FIGNL2: variants seen among roughly 807,000 people sequenced by gnomAD.
FIGNL2 encodes the protein fidgetin-like protein 2.
For missense variants in FIGNL2, 1,060 were observed against 950.2 expected (o/e 1.12, Z -1.52); for synonymous variants, 565 against 484.0 (o/e 1.17, Z -2.20).
intron 1 of FIGNL2, chr12:51,844,585 C>T: frequency 1.7e-6 from 1 of 589,616 alleles, no homozygotes; most frequent in Non-Finnish European, 2.1e-6. Flanking sequence ...AGGAGGTGGA[C>T]ACCATTCTTC....
chr12:51,826,874 G>A (rs2138980741), intron 1 of FIGNL2, among the ~76,000 whole-genome samples: 1 of 151,442 alleles, frequency 6.6e-6, no homozygotes, highest in East Asian at 1.9e-4. Flanking sequence ...ACGTGAGTCT[G>A]AATACACACC....
chr12:51,835,284 C>G (rs1343584663), intron 1 of FIGNL2: 1 of 152,224 alleles, frequency 6.6e-6, no homozygotes, highest in Non-Finnish European at 1.5e-5. Context: ...CTGCCATGCT[C>G]TCCTTGCATG....
Position 51,820,993 on chromosome 12 carries a change from T to C in FIGNL2, c.1421A>G (p.Gln474Arg). The C allele has an allele frequency of 8.3e-7, 1 of 1,200,266 alleles. No individual in the cohort carries two copies. The highest frequency in any genetic ancestry group is 1.0e-6 in the Non-Finnish European group (1 of 969,586). The allele number at this position is 1,200,266 out of a possible 1,614,324, so 74.4% of individuals were successfully genotyped here. ...PGAAEGARLL[Q>R]AAFAAARCRP... is the part of the protein sequence containing the mutation. ...GCAGCGCGCGGCCGCGAAGGCGGCC[T>C]GGAGGAGGCGCGCGCCCTCGGCGGC... The change falls in exon 2 of 2, where the codon CAG becomes CGG. Residue 474 changes from glutamine to arginine, a missense_variant. Physicochemically the swap from Gln to Arg is conservative, Grantham distance 43. Transcript: ENST00000618634.
chr12:51,832,596 C>T (rs200048095), intron 1 of FIGNL2, among the ~76,000 whole-genome samples: 1 of 152,138 alleles, frequency 6.6e-6, no homozygotes, highest in South Asian at 2.1e-4. Context: ...TCACCCACTC[C>T]CTTCTAAACC....
chr12:51,833,613 C>T (rs1015856353), intron 1 of FIGNL2, among the ~76,000 whole-genome samples: 1 of 151,418 alleles, frequency 6.6e-6, no homozygotes, highest in Non-Finnish European at 1.5e-5. Flanking sequence ...CACAGCTCCT[C>T]CCGCCACGCT....
At chr12:51,847,000 T>C (rs1032035903) in intron 1 of FIGNL2, 26 of 767,060 alleles carry the variant, frequency 3.4e-5, no homozygotes, top group Non-Finnish European at 3.8e-5. Context: ...GCCCCTTTCC[T>C]CGCCCACCCC....
chr12:51,822,337 G>A lies in FIGNL2; in HGVS notation c.77C>T (p.Pro26Leu), dbSNP rs200288170. The change falls in exon 2 of 2, where the codon CCG (proline) becomes CTG (leucine). Residue 26 changes from proline (P) to leucine (L), a missense_variant. Physicochemically the swap from Pro to Leu is moderately conservative, Grantham distance 98 (BLOSUM62 -3). Coordinates refer to ENST00000618634, the MANE Select transcript of FIGNL2 (RefSeq NM_001384995.1). ...CAACTCCAACTTGTGGGCCGGCGACGGGGTGGTGGAGGAGACGTCCAGGTG... is the reference window on the plus strand; with the variant it reads ...CAACTCCAACTTGTGGGCCGGCGACAGGGTGGTGGAGGAGACGTCCAGGTG... Reference protein sequence around the residue: ...EQHLDVSSTTPSPAHKLELPP... With the variant: ...EQHLDVSSTTLSPAHKLELPP... 1.1e-4 allele frequency: 173 copies of A among 1,613,514 alleles called. No individual in the cohort carries two copies. Among genetic ancestry groups the A allele is most frequent in the African/African-American group, 2.4e-4 (18 of 75,052 alleles).
chr12:51,846,556 C>G (rs1939754697), intron 1 of FIGNL2, among the ~76,000 whole-genome samples: 1 of 152,214 alleles, frequency 6.6e-6, no homozygotes, highest in South Asian at 2.1e-4. Context: ...CGACGCCACA[C>G]TCAGTCTGGG....
intron 1 of FIGNL2, chr12:51,848,301 G>C: frequency 1.0e-6 from 1 of 984,734 alleles, no homozygotes; most frequent in Non-Finnish European, 1.2e-6. Context: ...GTCGGCGGCC[G>C]GGCGGCTATC....
rs751161297 is a variant in FIGNL2 at position 51,820,492 on chromosome 12, G to A, written c.1922C>T (p.Ser641Leu). The A allele has an allele frequency of 6.3e-6, 10 of 1,588,802 alleles. No homozygotes were observed. The East Asian group carries it at 6.8e-5, about 11-fold the overall frequency. Residue 641 changes from serine (S) to leucine (L), a missense_variant, in exon 2 of 2, where the codon TCG becomes TTG. Coordinates refer to ENST00000618634, the MANE Select transcript of FIGNL2 (RefSeq NM_001384995.1). The part of the protein sequence containing the change: ...GPRASAKELD[S>L]FVEWDKMYGS... ...GTACATTTTGTCCCACTCCACGAAC[G>A]AGTCCAGTTCCTTGGCAGAGGCCCT...
At position 51,821,202 on chromosome 12, in the gene FIGNL2, C is replaced by T. The variant is rs1489808979; in HGVS notation, c.1212G>A (p.Leu404=). The change falls in exon 2 of 2, where the codon CTG becomes CTA. Residue 404 remains leucine (L), a synonymous_variant. Coordinates refer to ENST00000618634, the MANE Select transcript of FIGNL2 (RefSeq NM_001384995.1). ...VAGQGALKAA[L]EEELVWPLLR... ...GCAGGGGCCACACCAGCTCCTCCTC[C>T]AGCGCCGCCTTGAGCGCGCCCTGGC... 21 of 1,520,166 alleles carry T rather than the reference C, an allele frequency of 1.4e-5. No homozygotes were observed. The South Asian group carries it at 2.2e-4, about 16-fold the overall frequency. The allele number at this position is 1,520,166 out of a possible 1,614,324, so 94.2% of individuals were successfully genotyped here. A position where few individuals can be genotyped will look rare whatever the true frequency, so the allele number is the denominator to read the frequency against.
intron 1 of FIGNL2, among the ~76,000 whole-genome samples, chr12:51,825,077 G>C (rs1939309713): frequency 6.6e-6 from 1 of 151,582 alleles, no homozygotes; most frequent in South Asian, 2.1e-4. Flanking sequence ...TTACACAAAT[G>C]CAAGTATTGT....
At position 51,821,302 on chromosome 12, in the gene FIGNL2, T is replaced by G; in HGVS notation, c.1112A>C (p.Asp371Ala). ...CGTCACCAGCTCCAGGGCCCCAGGG[T>G]CCACGCCTTTGGGAGTCTCCCCCGA... The part of the protein sequence containing the change: ...VPSGETPKGV[D>A]PGALELVTSK... The change falls in exon 2 of 2, where the codon GAC (aspartate) becomes GCC (alanine). Residue 371 changes from aspartate (D) to alanine (A), a missense_variant. Physicochemically the swap from Asp to Ala is moderately radical, Grantham distance 126 (BLOSUM62 -2). Transcript: ENST00000618634. 2 of 1,523,864 alleles carry G rather than the reference T, an allele frequency of 1.3e-6. No individual in the cohort carries two copies. Among genetic ancestry groups the G allele is most frequent in the East Asian group, 5.1e-5 (2 of 39,186 alleles). The allele number at this position is 1,523,864 out of a possible 1,614,324, so 94.4% of individuals were successfully genotyped here. A position where few individuals can be genotyped will look rare whatever the true frequency, so the allele number is the denominator to read the frequency against.
At chr12:51,825,910 C>G (rs1336439757) in intron 1 of FIGNL2, 2 of 152,224 alleles carry the variant, frequency 1.3e-5, no homozygotes, top group Admixed American at 1.3e-4. Flanking sequence ...GCCACCGCGC[C>G]CGGCCGACAC....
intron 1 of FIGNL2, among the ~76,000 whole-genome samples, chr12:51,845,135 A>G (rs1939722872): frequency 6.6e-6 from 1 of 152,220 alleles, no homozygotes; most frequent in Admixed American, 6.5e-5. Context: ...GGCTCTGTAA[A>G]TCAAAAAAAG....
At chr12:51,833,890 AC>A (rs1939519765) in intron 1 of FIGNL2, among the ~76,000 whole-genome samples, 1 of 151,948 alleles carries the variant, frequency 6.6e-6, no homozygotes, top group African/African-American at 2.4e-5. Context: ...TATCCCAAGC[AC>A]CTAGGACAGT....
chr12:51,825,680 G>A (rs1273452728), intron 1 of FIGNL2: 4 of 150,120 alleles, frequency 2.7e-5, no homozygotes, highest in East Asian at 2.0e-4. Context: ...GCAGTGGCGC[G>A]ATCTCGGCTC....
In FIGNL2 at chr12:51,818,206, T is replaced by C. The variant is rs1732119686; in HGVS notation, c.*2246A>G. 1 of 152,004 alleles carries C rather than the reference T, an allele frequency of 6.6e-6. No individual in the cohort carries two copies. Among genetic ancestry groups the C allele is most frequent in the South Asian group, 2.1e-4 (1 of 4,804 alleles). The allele number at this position is 152,004 out of a possible 1,614,324, so 9.4% of individuals were successfully genotyped here. ...CTTCCCCTACCTGCCCCAGAGCCCATGAGGTAGGTGCCACTAGGCTGGGGG... is the reference window on the plus strand; with the variant it reads ...CTTCCCCTACCTGCCCCAGAGCCCACGAGGTAGGTGCCACTAGGCTGGGGG... On this transcript the variant is annotated 3_prime_UTR_variant, in exon 2 of 2. Transcript: ENST00000618634.
At position 51,821,067 on chromosome 12, in the gene FIGNL2, C is replaced by T; in HGVS notation, c.1347G>A (p.Leu449=). ...ALLGRCLATQ[L]GATLLRLRGA... is the part of the protein sequence containing the mutation. ...CGCGCAGGCGCAACAGCGTGGCGCC[C>T]AGCTGCGTGGCGAGGCAGCGGCCCA... The change falls in exon 2 of 2, where the codon CTG becomes CTA. Residue 449 remains leucine (L), a synonymous_variant. Transcript: ENST00000618634. 2 of 1,276,668 alleles carry T rather than the reference C, an allele frequency of 1.6e-6. No individual in the cohort carries two copies. The highest frequency in any genetic ancestry group is 1.6e-5 in the African/African-American group (1 of 63,862). 79.1% of individuals were successfully genotyped at this position (1,276,668 alleles called of 1,614,324 possible).
Sources: gnomAD v4.1 joint callset for allele counts (sites outside exome capture counted in the v4.1 genomes callset) on GRCh38, gnomAD v4.1.1 for gene constraint, MANE v1.5 for transcripts, NCBI Gene and HGNC (gene_info 2026-07-23, HGNC 2026-07-21) for gene names.